Variants in ATP7B observed in about 807,000 individuals in gnomAD.
The protein encoded by ATP7B is copper-transporting ATPase 2.
Under a neutral mutation model 118.9 loss-of-function variants are expected in ATP7B, and 113 were observed. The ratio of observed to expected loss-of-function variants is 0.95; its 90% CI spans 0.82 to 1.11. ATP7B has a LOEUF of 1.11. Among genes scored for constraint, ATP7B ranks in the 50% most tolerant of loss-of-function variants. The pLI is 0.00. For missense variants in ATP7B, 1,867 were observed against 1,871.4 expected (o/e 1.00, Z 0.04); for synonymous variants, 777 against 727.4 (o/e 1.07, Z -1.10).
At chr13:51,976,523 A>T (rs1952127292) in intron 1 of ATP7B, among the ~76,000 whole-genome samples, 1 of 152,244 alleles carries the variant, frequency 6.6e-6, no homozygotes, top group Non-Finnish European at 1.5e-5. Flanking sequence ...TGCTGAATCC[A>T]GTAAATACAT....
intron 1 of ATP7B, among the ~76,000 whole-genome samples, chr13:51,986,423 A>C (rs1952653490): frequency 6.6e-6 from 1 of 152,242 alleles, no homozygotes; most frequent in Admixed American, 6.5e-5. Context: ...GGAGTAATTA[A>C]TAGCCTACCA....
intron 5 of ATP7B, chr13:51,964,664 T>C (rs1350392372): frequency 1.9e-5 from 11 of 578,928 alleles, no homozygotes; most frequent in Non-Finnish European, 3.3e-5. Flanking sequence ...CATCTTTCTC[T>C]TACCCATTCA....
At chr13:52,006,632 C>T (rs1394845644) in intron 1 of ATP7B, among the ~76,000 whole-genome samples, 1 of 152,250 alleles carries the variant, frequency 6.6e-6, no homozygotes, top group Admixed American at 6.5e-5. Flanking sequence ...GTGACTTACG[C>T]TGTTTTCCTG....
chr13:51,969,977 C>T (rs1288136135), intron 3 of ATP7B, among the ~76,000 whole-genome samples: 11 of 152,094 alleles, frequency 7.2e-5, no homozygotes, highest in Admixed American at 2.0e-4. Flanking sequence ...TAAATGGATC[C>T]GAATTTTATT....
chr13:51,975,065 C>A lies in ATP7B; in HGVS notation c.155G>T (p.Gly52Val), dbSNP rs1353356443. 5.0e-6 allele frequency: 8 copies of A among 1,614,218 alleles called. No individual in the cohort carries two copies. In the South Asian group the frequency reaches 7.7e-5, roughly 16 times the overall value. The change falls in exon 2 of 21, where the codon GGC (glycine) becomes GTC (valine). Residue 52 changes from glycine (G) to valine (V), a missense_variant. Gly to Val is a moderately radical substitution (Grantham distance 109). Coordinates refer to ENST00000242839, the MANE Select transcript of ATP7B (RefSeq NM_000053.4). ...VGYEGGLDGL[G>V]PSSQVATSTV... ...GCTGGTGGCCACCTGAGAAGAAGGG[C>A]CCAGGCCATCCAGACCACCTTCATA...
At chr13:51,946,755 A>G (rs1182372319) in intron 12 of ATP7B, among the ~76,000 whole-genome samples, 1 of 152,218 alleles carries the variant, frequency 6.6e-6, no homozygotes, top group Admixed American at 6.5e-5. Context: ...CAGACTCTGG[A>G]GATGGACCAC....
At chr13:51,960,545 T>C (rs183707455) in intron 6 of ATP7B, among the ~76,000 whole-genome samples, 73 of 152,270 alleles carry the variant, frequency 4.8e-4, no homozygotes, top group Admixed American at 2.2e-3. Context: ...TCCAAAGATG[T>C]TGAGGCCCAG....
Position 51,937,379 on chromosome 13 carries a change from A to G in ATP7B, c.3918T>C (p.Asp1306=), listed in dbSNP as rs1450980840. ...TGGAAAGGTGAATGCTAGCCACCAC[A>G]TCCAGCAAATCATTCTGATGGAGAG... ...DVVLIRNDLL[D]VVASIHLSKR... is the part of the protein sequence containing the mutation. The change falls in exon 19 of 21, where the codon GAT becomes GAC. Residue 1306 remains aspartate (D), a synonymous_variant. Coordinates refer to ENST00000242839, the MANE Select transcript of ATP7B (RefSeq NM_000053.4). 6.2e-7 allele frequency: 1 copy of G among 1,614,206 alleles called. No individual in the cohort carries two copies. The highest frequency in any genetic ancestry group is 1.7e-5 in the Admixed American group (1 of 60,028).
intron 19 of ATP7B, 71 bp downstream of exon 19, chr13:51,937,205 C>T: frequency 1.3e-6 from 2 of 1,484,876 alleles, no homozygotes; most frequent in Non-Finnish European, 9.4e-7. Context: ...CACTCACTAA[C>T]CCCAGCAGGA....
At chr13:51,937,177 G>T (rs1957017953) in intron 19 of ATP7B, 99 bp downstream of exon 19, 1 of 1,181,030 alleles carries the variant, frequency 8.5e-7, no homozygotes, top group Non-Finnish European at 1.3e-6. Context: ...AACGCCTCTA[G>T]CCAGCCAGTG....
At chr13:51,951,790 T>C (rs1227016946) in intron 9 of ATP7B, among the ~76,000 whole-genome samples, 1 of 152,124 alleles carries the variant, frequency 6.6e-6, no homozygotes, top group Non-Finnish European at 1.5e-5. Context: ...CATCACACTC[T>C]ACACGTAGGG....
chr13:51,995,265 T>C (rs1953149017), intron 1 of ATP7B: 1 of 980,602 alleles, frequency 1.0e-6, no homozygotes, highest in Non-Finnish European at 1.2e-6. Context: ...ATCTTTAAAA[T>C]GGGTCCAGGC....
chr13:51,945,925 C>A, intron 13 of ATP7B, among the ~76,000 whole-genome samples: 1 of 152,190 alleles, frequency 6.6e-6, no homozygotes, highest in South Asian at 2.1e-4. Context: ...GGCTTTTGTC[C>A]TGAAGCCTGG....
intron 1 of ATP7B, among the ~76,000 whole-genome samples, chr13:52,001,854 G>C (rs1225567471): frequency 6.6e-6 from 1 of 152,028 alleles, no homozygotes; most frequent in Admixed American, 6.6e-5. Flanking sequence ...GCAGTGGCAT[G>C]ATCTTGGCTC....
chr13:51,950,273 T>C lies in ATP7B; in HGVS notation c.2574A>G (p.Thr858=). 1 of 1,614,196 alleles carries C rather than the reference T, an allele frequency of 6.2e-7. No individual in the cohort carries two copies. ...GNTMADESLI[T]GEAMPVTKKP... is the part of the protein sequence containing the mutation. ...GGAACATGAAACAAGCCATCTCACC[T>C]GTGATGAGGGACTCATCAGCCATGG... Residue 858 remains threonine, a splice_region_variant and synonymous_variant, in exon 10 of 21, where the codon ACA becomes ACG. Coordinates refer to ENST00000242839, the MANE Select transcript of ATP7B (RefSeq NM_000053.4).
At chr13:51,959,114 G>T (rs1327449521) in intron 7 of ATP7B, 1 of 160,462 alleles carries the variant, frequency 6.2e-6, no homozygotes, top group African/African-American at 2.4e-5. Flanking sequence ...GAATGAGATT[G>T]GGCGGGAGGC....
intron 1 of ATP7B, among the ~76,000 whole-genome samples, chr13:51,996,510 A>G (rs1158035817): frequency 6.6e-6 from 1 of 152,216 alleles, no homozygotes; most frequent in Non-Finnish European, 1.5e-5. Context: ...AATTGAATTC[A>G]GGGTAAAATG....
intron 9 of ATP7B, among the ~76,000 whole-genome samples, chr13:51,956,870 A>G (rs892524910): frequency 5.3e-5 from 8 of 152,206 alleles, no homozygotes; most frequent in Non-Finnish European, 7.3e-5. Flanking sequence ...TGGATCCACC[A>G]GCCTGGGTTA....
At chr13:51,957,127 T>C (rs1958397841) in intron 9 of ATP7B, among the ~76,000 whole-genome samples, 1 of 152,178 alleles carries the variant, frequency 6.6e-6, no homozygotes, top group Non-Finnish European at 1.5e-5. Context: ...AGAAGATAAA[T>C]TTCTCCTTCA....
Sources: allele counts gnomAD v4.1 joint callset (sites outside exome capture counted in the v4.1 genomes callset), GRCh38; gene constraint gnomAD v4.1.1; transcripts MANE v1.5; gene names NCBI Gene and HGNC (gene_info 2026-07-23, HGNC 2026-07-21).